The following NRG3 variants were observed in gnomAD, a reference collection of about 807,000 sequenced individuals.
NRG3 encodes pro-neuregulin-3, membrane-bound isoform.
In NRG3, 31 loss-of-function variants were observed where a neutral mutation model predicts 66.9. The observed-to-expected ratio is 0.46, with a 90% CI of 0.35 to 0.63. The LOEUF (loss-of-function observed/expected upper bound fraction) is 0.63. Ranked by LOEUF, NRG3 falls within the 20% of genes least tolerant of loss-of-function variation. NRG3 has a pLI of 0.00. For missense variants in NRG3, 910 were observed against 878.9 expected, an observed-to-expected ratio of 1.04 and a Z score of -0.45; for synonymous variants, 393 against 359.4, an observed-to-expected ratio of 1.09 and a Z score of -1.06.
At chr10:82,292,896 A>T (rs1312884638) in intron 1 of NRG3, among the ~76,000 whole-genome samples, 1 of 152,146 alleles carries the variant, frequency 6.6e-6, no homozygotes, top group African/African-American at 2.4e-5. Context: ...ATGGTGAAGG[A>T]ATATTCTGCA....
At chr10:82,510,363 G>T (rs765649132) in intron 2 of NRG3, among the ~76,000 whole-genome samples, 2 of 152,070 alleles carry the variant, frequency 1.3e-5, no homozygotes, top group Non-Finnish European at 2.9e-5. Context: ...GGTCATAAGC[G>T]CAGGCCCCTT....
intron 1 of NRG3, among the ~76,000 whole-genome samples, chr10:81,911,635 G>C (rs1388289826): frequency 9.6e-6 from 1 of 103,962 alleles, no homozygotes; most frequent in Non-Finnish European, 1.8e-5. Flanking sequence ...TTTTTGATGA[G>C]ACTACAAGGA....
At chr10:81,915,446 ATTTC>A (rs1845590194) in intron 1 of NRG3, among the ~76,000 whole-genome samples, 1 of 141,874 alleles carries the variant, frequency 7.0e-6, no homozygotes, top group Non-Finnish European at 1.5e-5. Context: ...TTAGGACCTT[ATTTC>A]TTTAAGTTTC....
intron 1 of NRG3, among the ~76,000 whole-genome samples, chr10:82,209,190 G>C (rs907192669): frequency 6.6e-6 from 1 of 152,152 alleles, no homozygotes; most frequent in African/African-American, 2.4e-5. Context: ...TTGGCACACA[G>C]CTAAAGTTAA....
At position 82,084,034 on chromosome 10, in the gene NRG3, C is replaced by T. The variant is rs369658467; in HGVS notation, c.823+207871C>T. ...TCTGAGGTTGGGAGTTCGAGACCAGCCTGGCCAACATGGCGAAATCCCATC... is the reference window on the plus strand; with the variant it reads ...TCTGAGGTTGGGAGTTCGAGACCAGTCTGGCCAACATGGCGAAATCCCATC... On this transcript the variant is annotated intron_variant, in intron 1 of 8. Coordinates refer to ENST00000372141, the MANE Select transcript of NRG3 (RefSeq NM_001010848.4). Among the ~76,000 whole-genome samples, 6 of 151,722 alleles carry T rather than the reference C, an allele frequency of 4.0e-5. No individual in the cohort carries two copies. In the East Asian group the frequency reaches 8.0e-4, roughly 20 times the overall value.
At chr10:82,778,873 CAG>C (rs1342825359) in intron 3 of NRG3, among the ~76,000 whole-genome samples, 4 of 151,312 alleles carry the variant, frequency 2.6e-5, no homozygotes, top group Non-Finnish European at 5.9e-5. Flanking sequence ...TCTGTGTAGA[CAG>C]GGGTGGAGCT....
intron 1 of NRG3, among the ~76,000 whole-genome samples, chr10:81,890,958 A>G (rs1842959569): frequency 6.6e-6 from 1 of 152,172 alleles, no homozygotes; most frequent in South Asian, 2.1e-4. Context: ...TGTTCCCCCT[A>G]GTAGAACTGC....
At chr10:82,708,061 T>C (rs2056430202) in intron 2 of NRG3, among the ~76,000 whole-genome samples, 1 of 151,948 alleles carries the variant, frequency 6.6e-6, no homozygotes, top group Admixed American at 6.6e-5. Flanking sequence ...TAAAATTACA[T>C]GTTTGGGTAC....
intron 2 of NRG3, among the ~76,000 whole-genome samples, chr10:82,594,922 A>G (rs1057117247): frequency 6.6e-6 from 1 of 152,052 alleles, no homozygotes; most frequent in Non-Finnish European, 1.5e-5. Flanking sequence ...CTTTGACAAT[A>G]GAAGAATGAT....
chr10:82,044,884 A>G (rs2063205293), intron 1 of NRG3, among the ~76,000 whole-genome samples: 1 of 152,028 alleles, frequency 6.6e-6, no homozygotes, highest in East Asian at 2.0e-4. Context: ...TGTCCCTACA[A>G]AGGATATGAA....
intron 2 of NRG3, among the ~76,000 whole-genome samples, chr10:82,529,203 G>A (rs1335786630): frequency 6.6e-6 from 1 of 152,164 alleles, no homozygotes; most frequent in Admixed American, 6.5e-5. Flanking sequence ...CTTCTCAAAT[G>A]CGACTAAGGA....
chr10:82,979,015 G>A lies in NRG3; in HGVS notation c.1478G>A (p.Arg493Lys), dbSNP rs146114927. 1.9e-6 allele frequency: 3 copies of A among 1,614,042 alleles called. No individual in the cohort carries two copies. Among genetic ancestry groups the A allele is most frequent in the Non-Finnish European group, 2.5e-6 (3 of 1,179,976 alleles). ...SGMLHRNAFRRTPPSPRSRLG... is the reference protein window; with the variant it reads ...SGMLHRNAFRKTPPSPRSRLG... ...ATGCTCCATAGGAATGCCTTCAGAAGGACACCCCCGTCACCCCGAAGTAGG... is the reference window on the plus strand; with the variant it reads ...ATGCTCCATAGGAATGCCTTCAGAAAGACACCCCCGTCACCCCGAAGTAGG... Residue 493 changes from arginine (R) to lysine (K), a missense_variant, in exon 8 of 9, where the codon AGG becomes AAG. Physicochemically the swap from Arg to Lys is conservative, Grantham distance 26. Coordinates refer to ENST00000372141, the MANE Select transcript of NRG3 (RefSeq NM_001010848.4).
chr10:82,235,433 A>G lies in NRG3; in HGVS notation c.824-123306A>G, dbSNP rs543335798. 2.0e-5 allele frequency among the ~76,000 whole-genome samples: 3 copies of G among 152,302 alleles called. No homozygotes were observed. The East Asian group carries it at 5.8e-4, about 29-fold the overall frequency. ...TAACATCTCTATTTATACATTATTA[A>G]TTAATTTCAGGGAAAATTGGATTTT... On this transcript the variant is annotated intron_variant, in intron 1 of 8. Coordinates refer to ENST00000372141, the MANE Select transcript of NRG3 (RefSeq NM_001010848.4).
chr10:82,842,764 T>C (rs748794024), intron 3 of NRG3, among the ~76,000 whole-genome samples: 3 of 152,174 alleles, frequency 2.0e-5, no homozygotes, highest in Non-Finnish European at 2.9e-5. Flanking sequence ...CTGTCACCCA[T>C]ACCAGAGTTG....
intron 1 of NRG3, among the ~76,000 whole-genome samples, chr10:82,306,603 C>G (rs1298464785): frequency 6.2e-5 from 9 of 145,336 alleles, no homozygotes; most frequent in African/African-American, 2.0e-4. Context: ...AATCGGGAGG[C>G]TGAGGCAGGA....
At chr10:82,786,750 G>GT (rs1249101114) in intron 3 of NRG3, among the ~76,000 whole-genome samples, 1 of 152,172 alleles carries the variant, frequency 6.6e-6, no homozygotes, top group African/African-American at 2.4e-5. Context: ...AAATGCAAAG[G>GT]TGTTGAGAAA....
intron 1 of NRG3, among the ~76,000 whole-genome samples, chr10:82,228,240 T>A (rs2076263760): frequency 6.6e-6 from 1 of 152,034 alleles, no homozygotes; most frequent in Admixed American, 6.6e-5. Flanking sequence ...ATAGTATGAG[T>A]ATATATAAAC....
At chr10:82,726,639 G>A (rs974845931) in intron 2 of NRG3, among the ~76,000 whole-genome samples, 9 of 152,060 alleles carry the variant, frequency 5.9e-5, no homozygotes, top group Non-Finnish European at 8.8e-5. Flanking sequence ...GCCCAGTCTC[G>A]GGTATGTCTT....
chr10:82,751,140 C>A (rs1285400107), intron 3 of NRG3, among the ~76,000 whole-genome samples: 1 of 152,098 alleles, frequency 6.6e-6, no homozygotes, highest in Non-Finnish European at 1.5e-5. Context: ...GCTCCCCTAA[C>A]TATTTTTAGT....
Sources: gnomAD v4.1 joint callset for allele counts (sites outside exome capture counted in the v4.1 genomes callset) on GRCh38, gnomAD v4.1.1 for gene constraint, MANE v1.5 for transcripts, NCBI Gene and HGNC (gene_info 2026-07-23, HGNC 2026-07-21) for gene names.